The following SCTR variants were observed in gnomAD, a reference collection of about 807,000 sequenced individuals.
The protein encoded by SCTR is secretin receptor, also known as pancreatic secretin receptor.
SCTR carries 56 observed loss-of-function variants against 60.8 expected under a neutral mutation model. That is an observed-to-expected ratio of 0.92 (90% CI 0.74 to 1.15). The LOEUF (loss-of-function observed/expected upper bound fraction) is 1.15, where lower values mean the gene tolerates loss of function less well. Ranked by LOEUF, SCTR falls within the 50% of genes most tolerant of loss-of-function variation. The pLI is 0.00. For missense variants in SCTR, 562 were observed against 550.4 expected, an observed-to-expected ratio of 1.02 and a Z score of -0.21; for synonymous variants, 202 against 217.0, an observed-to-expected ratio of 0.93 and a Z score of 0.61.
intron 7 of SCTR, among the ~76,000 whole-genome samples, chr2:119,456,609 A>G (rs1683387228): frequency 6.6e-6 from 1 of 152,162 alleles, no homozygotes; most frequent in South Asian, 2.1e-4. Flanking sequence ...AGGCCAAGTC[A>G]AGCAAGAAGG....
chr2:119,510,081 C>T (rs1678882362), intron 1 of SCTR, among the ~76,000 whole-genome samples: 1 of 151,948 alleles, frequency 6.6e-6, no homozygotes, highest in Non-Finnish European at 1.5e-5. Flanking sequence ...GTTTGCTGCA[C>T]CCATCAACCT....
At chr2:119,455,356 G>A (rs1367867658) in intron 7 of SCTR, among the ~76,000 whole-genome samples, 1 of 152,234 alleles carries the variant, frequency 6.6e-6, no homozygotes, top group African/African-American at 2.4e-5. Context: ...CGGCTCTGAA[G>A]TGATTCATTC....
At chr2:119,471,322 C>T (rs575246718) in intron 4 of SCTR, among the ~76,000 whole-genome samples, 1 of 151,906 alleles carries the variant, frequency 6.6e-6, no homozygotes, top group Non-Finnish European at 1.5e-5. Context: ...TCATATAAGT[C>T]GATGATAGAA....
chr2:119,441,810 C>T (rs1242922450), intron 11 of SCTR: 19 of 558,476 alleles, frequency 3.4e-5, no homozygotes, highest in Admixed American at 1.1e-4. Context: ...ACTGTGAACT[C>T]CTTGCAGCCA....
In SCTR at chr2:119,441,955, GGCT is replaced by G. The variant is rs533934013; in HGVS notation, c.1141-359_1141-357del. Among the ~76,000 whole-genome samples, 189 of 152,318 alleles carry G rather than the reference GGCT, an allele frequency of 1.2e-3. 1 individual carries two copies. The highest frequency in any genetic ancestry group is 2.5e-3 in the Admixed American group (38 of 15,308). On this transcript the variant is annotated intron_variant, in intron 11 of 12. Transcript: ENST00000019103. ...CGCCCACTCTGCCAGGAGGAGTGCA[GGCT>G]GCCCAGGGTGAGACCCTGGGCCCTG...
chr2:119,480,138 A>C (rs1297894636), intron 2 of SCTR, among the ~76,000 whole-genome samples: 3 of 152,198 alleles, frequency 2.0e-5, no homozygotes, highest in African/African-American at 7.2e-5. Flanking sequence ...CTTTGCATCT[A>C]TTTGTAAATT....
At chr2:119,504,459 C>T (rs145106756) in intron 1 of SCTR, among the ~76,000 whole-genome samples, 1,620 of 151,938 alleles carry the variant, frequency 0.011, 20 homozygotes, top group African/African-American at 0.037. Flanking sequence ...GGCGTGGTGG[C>T]GCACACCTAT....
chr2:119,458,387 G>A (rs770081335), intron 7 of SCTR, among the ~76,000 whole-genome samples: 5 of 151,732 alleles, frequency 3.3e-5, no homozygotes, highest in Non-Finnish European at 5.9e-5. Flanking sequence ...GGATCAAGAG[G>A]TCAGGAGATT....
intron 1 of SCTR, among the ~76,000 whole-genome samples, chr2:119,516,387 A>G (rs1249398634): frequency 6.6e-6 from 1 of 152,240 alleles, no homozygotes; most frequent in Non-Finnish European, 1.5e-5. Flanking sequence ...AGTCAGCTTT[A>G]AAAAAGGAGA....
intron 1 of SCTR, among the ~76,000 whole-genome samples, chr2:119,511,574 C>T (rs542376359): frequency 1.8e-4 from 28 of 152,274 alleles, no homozygotes; most frequent in African/African-American, 6.3e-4. Flanking sequence ...AGCTCTGTTA[C>T]ACATCTATCC....
chr2:119,453,434 G>A (rs1192376682), intron 7 of SCTR, 87 bp from the exon 8 acceptor site: 4 of 1,029,662 alleles, frequency 3.9e-6, no homozygotes, highest in Admixed American at 3.7e-5. Context: ...GGTTACCCCA[G>A]CCCAGCTACT....
intron 7 of SCTR, among the ~76,000 whole-genome samples, chr2:119,454,652 G>C (rs1031601978): frequency 6.6e-6 from 1 of 152,130 alleles, no homozygotes; most frequent in Non-Finnish European, 1.5e-5. Flanking sequence ...TCAGGAGTTC[G>C]AGACCAGCCT....
intron 1 of SCTR, among the ~76,000 whole-genome samples, chr2:119,510,873 GT>G (rs1173336178): frequency 6.6e-6 from 1 of 151,826 alleles, no homozygotes; most frequent in Non-Finnish European, 1.5e-5. Context: ...CCTTTTAGTT[GT>G]TTATTTTCAT....
chr2:119,495,278 G>A (rs1386091537), intron 1 of SCTR, among the ~76,000 whole-genome samples: 1 of 152,218 alleles, frequency 6.6e-6, no homozygotes, highest in Non-Finnish European at 1.5e-5. Context: ...ATTCAGACAA[G>A]TTCTTTAAAA....
chr2:119,448,779 A>G lies in SCTR; in HGVS notation c.923T>C (p.Ile308Thr), dbSNP rs1477479582. 1.3e-6 allele frequency: 2 copies of G among 1,564,602 alleles called. No homozygotes were observed. The highest frequency in any genetic ancestry group is 1.8e-6 in the Non-Finnish European group (2 of 1,135,206). Residue 308 changes from isoleucine to threonine, a missense_variant and splice_region_variant, in exon 10 of 13, where the codon ATT becomes ACT. Ile to Thr is a moderately conservative substitution (Grantham distance 89). Coordinates refer to ENST00000019103, the MANE Select transcript of SCTR (RefSeq NM_002980.3). ...AATGTTTATGAAAAGGATGAAATTA[A>G]TCTGCAAAACACAAGGCAGAGGTGG... ...IRGPVILSIL[I>T]NFILFINILR...
chr2:119,507,678 T>TCC (rs56209453), intron 1 of SCTR, among the ~76,000 whole-genome samples: 1 of 83,784 alleles, frequency 1.2e-5, no homozygotes, highest in African/African-American at 3.7e-5. Context: ...TTTTTTTTTT[T>TCC]TCTTTTTTTT....
intron 6 of SCTR, among the ~76,000 whole-genome samples, chr2:119,463,802 G>T (rs911647198): frequency 2.0e-5 from 3 of 151,992 alleles, no homozygotes; most frequent in Non-Finnish European, 4.4e-5. Flanking sequence ...TCTTTCTTCA[G>T]CTGGGAACTG....
At chr2:119,482,660 G>A (rs914596330) in intron 2 of SCTR, among the ~76,000 whole-genome samples, 7 of 152,178 alleles carry the variant, frequency 4.6e-5, no homozygotes, top group East Asian at 1.9e-4. Flanking sequence ...GAGGCTGCCC[G>A]TCTACATTCC....
intron 6 of SCTR, among the ~76,000 whole-genome samples, chr2:119,462,784 C>T (rs755365052): frequency 4.6e-5 from 7 of 152,218 alleles, no homozygotes; most frequent in Non-Finnish European, 1.0e-4. Context: ...GAGGAGCGCC[C>T]GGTGCTGCCT....
Sources: gnomAD v4.1 joint callset for allele counts (sites outside exome capture counted in the v4.1 genomes callset) on GRCh38, gnomAD v4.1.1 for gene constraint, MANE v1.5 for transcripts, NCBI Gene and HGNC (gene_info 2026-07-23, HGNC 2026-07-21) for gene names.